Variants in PRKCB observed in about 807,000 individuals in gnomAD.
PRKCB encodes protein kinase C beta.
Under a neutral mutation model 81.5 loss-of-function variants are expected in PRKCB, and 13 were observed. The ratio of observed to expected loss-of-function variants is 0.16; its 90% CI spans 0.10 to 0.25. The LOEUF is 0.25. PRKCB is among the 10% of genes least tolerant of loss of function. The pLI is 1.00. For synonymous variants in PRKCB, 335 were observed against 321.4 expected, an observed-to-expected ratio of 1.04 and a Z score of -0.45; for missense variants, 509 against 875.7, an observed-to-expected ratio of 0.58 and a Z score of 5.29.
At chr16:23,939,196 T>G (rs532529512) in intron 2 of PRKCB, among the ~76,000 whole-genome samples, 26 of 152,306 alleles carry the variant, frequency 1.7e-4, no homozygotes, top group Non-Finnish European at 3.1e-4. Flanking sequence ...GCAGGACTTA[T>G]GTACTGAAAA....
At chr16:24,038,610 G>T (rs1173409303) in intron 5 of PRKCB, among the ~76,000 whole-genome samples, 1 of 152,210 alleles carries the variant, frequency 6.6e-6, no homozygotes, top group Non-Finnish European at 1.5e-5. Context: ...CTCAGCATGG[G>T]CTTGTTGATT....
chr16:24,011,878 G>A lies in PRKCB; in HGVS notation c.289-20258G>A, dbSNP rs78840724. On this transcript the variant is annotated intron_variant, in intron 3 of 16. Coordinates refer to ENST00000643927, the MANE Select transcript of PRKCB (RefSeq NM_002738.7). ...GATAATATACTACTTCTTAGGGTGA[G>A]TATTAAATAAGTTAACCTATGCAAA... 5.6e-3 allele frequency among the ~76,000 whole-genome samples: 859 copies of A among 152,240 alleles called. 10 individuals are homozygous for A. The highest frequency in any genetic ancestry group is 0.019 in the African/African-American group (793 of 41,540).
chr16:24,190,906 A>T (rs775971064), intron 15 of PRKCB, among the ~76,000 whole-genome samples, 184 bp from the exon 16 acceptor site: 1 of 152,168 alleles, frequency 6.6e-6, no homozygotes, highest in Non-Finnish European at 1.5e-5. Flanking sequence ...GGGTCCTATT[A>T]TCAGGTCCTC....
At chr16:24,167,561 GA>G (rs60263864) in intron 10 of PRKCB, among the ~76,000 whole-genome samples, 30 of 142,824 alleles carry the variant, frequency 2.1e-4, no homozygotes, top group South Asian at 9.0e-4. Flanking sequence ...CCCTGCCACA[GA>G]AAAAAAAAAA....
At chr16:23,944,096 A>G (rs1382865089) in intron 2 of PRKCB, among the ~76,000 whole-genome samples, 1 of 151,938 alleles carries the variant, frequency 6.6e-6, no homozygotes, top group African/African-American at 2.4e-5. Flanking sequence ...GGAAACTGAA[A>G]AGCTCTAGTA....
chr16:23,846,676 G>T (rs1216164477), intron 2 of PRKCB, among the ~76,000 whole-genome samples: 1 of 150,764 alleles, frequency 6.6e-6, no homozygotes, highest in African/African-American at 2.4e-5. Context: ...AGTCAGCGAG[G>T]GTACACTTTT....
intron 7 of PRKCB, among the ~76,000 whole-genome samples, chr16:24,103,649 C>T (rs1302135140): frequency 6.6e-6 from 1 of 152,080 alleles, no homozygotes. Flanking sequence ...ATGAATGATT[C>T]CGTCACCCAG....
chr16:24,122,187 G>T (rs1421503054), intron 8 of PRKCB, among the ~76,000 whole-genome samples: 1 of 152,154 alleles, frequency 6.6e-6, no homozygotes, highest in Admixed American at 6.5e-5. Context: ...AGAGTTCTGG[G>T]GAAAGAGTGC....
chr16:23,855,165 GGA>G (rs148520313), intron 2 of PRKCB, among the ~76,000 whole-genome samples: 22 of 149,604 alleles, frequency 1.5e-4, no homozygotes, highest in East Asian at 1.2e-3. Flanking sequence ...GGGGGTGGCA[GGA>G]GAGAGAGAGA....
intron 8 of PRKCB, among the ~76,000 whole-genome samples, chr16:24,120,077 G>A (rs776043068): frequency 6.6e-6 from 1 of 152,176 alleles, no homozygotes; most frequent in Non-Finnish European, 1.5e-5. Context: ...ACATTTTGAT[G>A]AGTGAAAGAA....
chr16:23,955,584 A>G (rs1471101682), intron 2 of PRKCB, among the ~76,000 whole-genome samples: 1 of 152,186 alleles, frequency 6.6e-6, no homozygotes, highest in African/African-American at 2.4e-5. Flanking sequence ...CCAGACAGTT[A>G]GGGTTGTCCA....
At chr16:23,857,482 G>A (rs896159775) in intron 2 of PRKCB, among the ~76,000 whole-genome samples, 1 of 152,164 alleles carries the variant, frequency 6.6e-6, no homozygotes, top group Non-Finnish European at 1.5e-5. Flanking sequence ...GCCTCCAGCC[G>A]AGACTTCCAA....
At position 23,875,621 on chromosome 16, in the gene PRKCB, T is replaced by TATGTATGTATATCACACATAC. The variant is rs1567298549; in HGVS notation, c.205+38235_205+38236insCATGTATGTATATCACACATA. ...CATATGTATGTATATCACACACATA[T>TATGTATGTATATCACACATAC]ATGTATGTATATCACACATATATGT... is the stretch of plus-strand genomic sequence containing the variant. On this transcript the variant is annotated intron_variant, in intron 2 of 16. Transcript: ENST00000643927. 8.2e-5 allele frequency among the ~76,000 whole-genome samples: 8 copies of TATGTATGTATATCACACATAC among 97,162 alleles called. 1 individual carries two copies. The highest frequency in any genetic ancestry group is 2.5e-4 in the African/African-American group (6 of 23,682). 63.7% of individuals were successfully genotyped at this position (97,162 alleles called of 152,430 possible). A position where few individuals can be genotyped will look rare whatever the true frequency, so the allele number is the denominator to read the frequency against.
chr16:24,148,594 T>C (rs1053531661), intron 9 of PRKCB, among the ~76,000 whole-genome samples: 2 of 152,246 alleles, frequency 1.3e-5, no homozygotes, highest in South Asian at 2.1e-4. Flanking sequence ...AATATTGTTA[T>C]TATTGATTGA....
intron 2 of PRKCB, among the ~76,000 whole-genome samples, chr16:23,940,998 G>A (rs1346129146): frequency 6.6e-6 from 1 of 152,060 alleles, no homozygotes; most frequent in Non-Finnish European, 1.5e-5. Context: ...TTCAATTTTT[G>A]GTATTAAGTT....
intron 2 of PRKCB, among the ~76,000 whole-genome samples, chr16:23,857,408 T>C (rs1962587567): frequency 6.6e-6 from 1 of 152,132 alleles, no homozygotes; most frequent in East Asian, 1.9e-4. Flanking sequence ...CGCCAGAAGA[T>C]GTGGGAACAG....
At chr16:24,045,954 C>G (rs1965758538) in intron 5 of PRKCB, among the ~76,000 whole-genome samples, 1 of 152,240 alleles carries the variant, frequency 6.6e-6, no homozygotes, top group African/African-American at 2.4e-5. Context: ...TGGCATCTTA[C>G]CAGTCATGAA....
chr16:23,994,332 C>G (rs924101117), intron 3 of PRKCB, among the ~76,000 whole-genome samples: 2 of 152,144 alleles, frequency 1.3e-5, no homozygotes, highest in African/African-American at 4.8e-5. Context: ...GTTATTTCCC[C>G]AGTTCCAGAA....
At position 24,216,826 on chromosome 16, in the gene PRKCB, A is replaced by G. The variant is rs922893895; in HGVS notation, c.*2010A>G. 2 of 985,378 alleles carry G rather than the reference A, an allele frequency of 2.0e-6. No homozygotes were observed. The highest frequency in any genetic ancestry group is 2.4e-6 in the Non-Finnish European group (2 of 829,966). The allele number at this position is 985,378 out of a possible 1,614,324, so 61.0% of individuals were successfully genotyped here. ...TGTTGAGAAACTGGCATCTGGAAAG[A>G]GGAAGGAATTTGCCCAAAGTCAGTC... On this transcript the variant is annotated 3_prime_UTR_variant, in exon 17 of 17. Coordinates refer to ENST00000643927, the MANE Select transcript of PRKCB (RefSeq NM_002738.7).
Sources: allele counts gnomAD v4.1 joint callset (sites outside exome capture counted in the v4.1 genomes callset), GRCh38; gene constraint gnomAD v4.1.1; transcripts MANE v1.5; gene names NCBI Gene and HGNC (gene_info 2026-07-23, HGNC 2026-07-21).